FBXO36: variants seen among roughly 807,000 people sequenced by gnomAD.
The protein encoded by FBXO36 is F-box only protein 36.
A neutral mutation model predicts 17.0 loss-of-function variants in FBXO36; 18 were observed. That is an observed-to-expected ratio of 1.06 (90% confidence interval 0.73 to 1.57). The LOEUF is 1.57. FBXO36 is among the 40% of genes most tolerant of loss of function. The probability of loss-of-function intolerance (pLI) is 0.00; values close to 1 mark genes in which losing one functional copy is unlikely to be tolerated. For missense variants in FBXO36, 229 were observed against 221.9 expected, an observed-to-expected ratio of 1.03 and a Z score of -0.20; for synonymous variants, 83 against 85.3, an observed-to-expected ratio of 0.97 and a Z score of 0.15.
chr2:229,928,420 A>G (rs2076923556), intron 1 of FBXO36, among the ~76,000 whole-genome samples: 1 of 152,238 alleles, frequency 6.6e-6, no homozygotes, highest in African/African-American at 2.4e-5. Flanking sequence ...CTCCGCATTC[A>G]TATTTCTGGA....
intron 2 of FBXO36, chr2:229,977,063 A>G (rs184031205): frequency 2.6e-5 from 4 of 152,304 alleles, no homozygotes; most frequent in Admixed American, 2.6e-4. Context: ...TCTGACTGGT[A>G]AAGTCTCTGG....
chr2:229,939,374 T>TAAGAGA, intron 1 of FBXO36: 1 of 518,030 alleles, frequency 1.9e-6, no homozygotes, highest in Non-Finnish European at 2.5e-6. Context: ...TAAAACTGTA[T>TAAGAGA]TAAAGTATCT....
intron 3 of FBXO36, 96 bp from the exon 4 acceptor site, chr2:230,010,595 GGCACA>G (rs1250474939): frequency 2.8e-6 from 3 of 1,084,908 alleles, no homozygotes; most frequent in African/African-American, 3.2e-5. Flanking sequence ...ACCTGTGTCT[GGCACA>G]GGTAGTGTTT....
chr2:229,977,300 C>T (rs1478038200), intron 2 of FBXO36: 3 of 151,218 alleles, frequency 2.0e-5, no homozygotes, highest in Non-Finnish European at 2.9e-5. Context: ...CCTGGCCCAA[C>T]CATCTGTTCT....
intron 2 of FBXO36, among the ~76,000 whole-genome samples, chr2:229,994,028 T>C (rs1220017680): frequency 2.0e-5 from 3 of 152,062 alleles, no homozygotes; most frequent in Non-Finnish European, 4.4e-5. Context: ...CTCCTCAGAC[T>C]CCCAAAGTGC....
intron 3 of FBXO36, among the ~76,000 whole-genome samples, chr2:230,008,505 T>A (rs2077398965): frequency 6.6e-6 from 1 of 152,210 alleles, no homozygotes; most frequent in Non-Finnish European, 1.5e-5. Flanking sequence ...CACGAACTTA[T>A]AATATAAAAC....
At chr2:229,966,883 T>C (rs891067588) in intron 1 of FBXO36, among the ~76,000 whole-genome samples, 15 of 152,220 alleles carry the variant, frequency 9.9e-5, no homozygotes, top group African/African-American at 3.6e-4. Context: ...TGGTTCCATA[T>C]GAACTTTAAA....
chr2:229,942,320 C>CCTCT (rs2077003718), intron 1 of FBXO36, among the ~76,000 whole-genome samples: 1 of 152,184 alleles, frequency 6.6e-6, no homozygotes, highest in Non-Finnish European at 1.5e-5. Flanking sequence ...TGTGTACCAC[C>CCTCT]CTCTGTCCTG....
At chr2:229,922,744 A>G (rs1015056856) in intron 1 of FBXO36, 135 bp downstream of exon 1, 85 of 850,782 alleles carry the variant, frequency 1.0e-4, no homozygotes, top group Non-Finnish European at 1.4e-4. Flanking sequence ...GCGCCGGGAG[A>G]TTTTCCTCGT....
rs2076893243 is a variant in FBXO36, at chr2:229,924,438, A to C, written c.96+1829A>C. 2.0e-5 allele frequency among the ~76,000 whole-genome samples: 3 copies of C among 152,082 alleles called. No individual in the cohort carries two copies. The South Asian group carries it at 6.2e-4, about 32-fold the overall frequency. Reference sequence around the variant, plus strand: ...TAACATTTCTTCACCTCCTAACATGAGTGGTCAAAAATATAATCTGTTCTA... The same window carrying C: ...TAACATTTCTTCACCTCCTAACATGCGTGGTCAAAAATATAATCTGTTCTA... On this transcript the variant is annotated intron_variant, in intron 1 of 3. Transcript: ENST00000283946.
chr2:229,985,526 T>A (rs1191397853), intron 2 of FBXO36, among the ~76,000 whole-genome samples: 1 of 152,154 alleles, frequency 6.6e-6, no homozygotes, highest in Non-Finnish European at 1.5e-5. Flanking sequence ...TCAGCTGCCC[T>A]TTGTCTTCAG....
At chr2:229,993,921 A>G (rs895621667) in intron 2 of FBXO36, among the ~76,000 whole-genome samples, 1 of 151,238 alleles carries the variant, frequency 6.6e-6, no homozygotes, top group Non-Finnish European at 1.5e-5. Flanking sequence ...ACGCCCGGCT[A>G]ATTTTTTTTT....
intron 3 of FBXO36, among the ~76,000 whole-genome samples, chr2:229,999,662 G>A (rs1350987550): frequency 2.0e-5 from 3 of 151,638 alleles, no homozygotes; most frequent in Non-Finnish European, 4.4e-5. Flanking sequence ...ACAGGTGTGA[G>A]CCACCTTCCT....
At chr2:229,985,072 G>A (rs2077261449) in intron 2 of FBXO36, among the ~76,000 whole-genome samples, 1 of 152,120 alleles carries the variant, frequency 6.6e-6, no homozygotes, top group South Asian at 2.1e-4. Context: ...TGGCTCGCAT[G>A]CCACTGCCAC....
At chr2:229,954,484 C>T (rs1434017272) in intron 1 of FBXO36, among the ~76,000 whole-genome samples, 4 of 150,322 alleles carry the variant, frequency 2.7e-5, no homozygotes, top group Non-Finnish European at 5.9e-5. Context: ...CTCAAGTGAT[C>T]TGCCCGCTTC....
rs114305824 is a variant in FBXO36 at position 229,984,866 on chromosome 2, C to T, written c.205+8517C>T. Among the ~76,000 whole-genome samples the T allele has an allele frequency of 4.5e-3, 686 of 152,198 alleles. 6 individuals are homozygous for T. Among genetic ancestry groups the T allele is most frequent in the African/African-American group, 0.015 (615 of 41,514 alleles). The stretch of plus-strand genomic sequence containing the variant: ...CCAGGTTTTGCTGTTCTCACTGAAG[C>T]CTTTAGGTACATGCTGGGACATCTA... On this transcript the variant is annotated intron_variant, in intron 2 of 3. Transcript: ENST00000283946.
At chr2:229,951,029 G>C (rs577970469) in intron 1 of FBXO36, among the ~76,000 whole-genome samples, 2 of 152,128 alleles carry the variant, frequency 1.3e-5, no homozygotes, top group African/African-American at 2.4e-5. Context: ...CGCCTCCTGG[G>C]TTCAAGCGAT....
chr2:229,956,354 C>A (rs1284264142), intron 1 of FBXO36, among the ~76,000 whole-genome samples: 1 of 152,140 alleles, frequency 6.6e-6, no homozygotes, highest in Non-Finnish European at 1.5e-5. Context: ...TTTCCCATCA[C>A]CCTCTGAAGG....
At chr2:229,922,743 G>A (rs2076783329) in intron 1 of FBXO36, 134 bp downstream of exon 1, 6 of 853,274 alleles carry the variant, frequency 7.0e-6, no homozygotes, top group Non-Finnish European at 1.1e-5. Context: ...CGCGCCGGGA[G>A]ATTTTCCTCG....
Sources: gnomAD v4.1 joint callset for allele counts (sites outside exome capture counted in the v4.1 genomes callset) on GRCh38, gnomAD v4.1.1 for gene constraint, MANE v1.5 for transcripts, NCBI Gene and HGNC (gene_info 2026-07-23, HGNC 2026-07-21) for gene names.